POLA1: variants seen among roughly 807,000 people sequenced by gnomAD.
POLA1 encodes DNA polymerase alpha catalytic subunit.
POLA1 carries 15 observed loss-of-function variants against 124.0 expected under a neutral mutation model. The ratio of observed to expected loss-of-function variants is 0.12; its 90% CI spans 0.08 to 0.19. POLA1 has a LOEUF of 0.19. POLA1 is among the 10% of genes least tolerant of loss of function. The pLI is 1.00. For synonymous variants in POLA1, 408 were observed against 389.4 expected, an observed-to-expected ratio of 1.05 and a Z score of -0.56; for missense variants, 886 against 1,103.4, an observed-to-expected ratio of 0.80 and a Z score of 2.79.
chrX:24,753,497 C>G (rs1263231383), intron 26 of POLA1, among the ~76,000 whole-genome samples: 1 of 110,424 alleles, frequency 9.1e-6, no homozygotes, highest in Admixed American at 9.7e-5. Flanking sequence ...GGACTACAGG[C>G]ATATGCCACC....
At chrX:24,968,702 C>CAAA (rs1230409270) in intron 36 of POLA1, among the ~76,000 whole-genome samples, 3 of 33,948 alleles carry the variant, frequency 8.8e-5, no homozygotes, top group South Asian at 1.6e-3. Flanking sequence ...GACTCCATCT[C>CAAA]AAAAAAAAAA....
chrX:24,906,165 C>T (rs1256453101), intron 35 of POLA1, among the ~76,000 whole-genome samples: 1 of 111,981 alleles, frequency 8.9e-6, no homozygotes, highest in African/African-American at 3.2e-5. Flanking sequence ...GGTATCTACC[C>T]AGAGGAAAAG....
chrX:24,949,816 C>T (rs2048012216), intron 36 of POLA1, among the ~76,000 whole-genome samples: 1 of 107,156 alleles, frequency 9.3e-6, no homozygotes, highest in Non-Finnish European at 1.9e-5. Flanking sequence ...CTCACTGCAA[C>T]CTCCACCTCC....
intron 36 of POLA1, among the ~76,000 whole-genome samples, chrX:24,989,480 C>T (rs1339697346): frequency 2.8e-5 from 3 of 108,649 alleles, no homozygotes; most frequent in African/African-American, 1.0e-4. Context: ...GGCTGGAGTG[C>T]GGTGGCACAA....
At chrX:24,762,078 C>T (rs1249046453) in intron 26 of POLA1, among the ~76,000 whole-genome samples, 2 of 112,118 alleles carry the variant, frequency 1.8e-5, no homozygotes, top group Admixed American at 9.4e-5. Flanking sequence ...TCCATTCTGC[C>T]TTTGGTTTTT....
At chrX:24,836,958 C>T (rs1786378583) in intron 32 of POLA1, among the ~76,000 whole-genome samples, 1 of 111,328 alleles carries the variant, frequency 9.0e-6, no homozygotes, top group Non-Finnish European at 1.9e-5. Context: ...AAATTTTGTG[C>T]CTGAAACAAA....
chrX:24,922,866 T>TA (rs1240933157), intron 35 of POLA1, among the ~76,000 whole-genome samples: 1 of 112,371 alleles, frequency 8.9e-6, no homozygotes, highest in East Asian at 2.8e-4. Context: ...GGGTATGACT[T>TA]ACAAACCTTG....
intron 18 of POLA1, among the ~76,000 whole-genome samples, chrX:24,736,101 T>G (rs753581152): frequency 8.9e-6 from 1 of 111,777 alleles, no homozygotes; most frequent in Non-Finnish European, 1.9e-5. Flanking sequence ...GTCTTTTTTC[T>G]AGGTTAATGG....
chrX:24,908,870 A>G (rs1390702773), intron 35 of POLA1, among the ~76,000 whole-genome samples: 1 of 111,393 alleles, frequency 9.0e-6, no homozygotes, highest in Admixed American at 9.5e-5. Context: ...AAGTGTTCCT[A>G]TTTCTCCACA....
chrX:24,787,695 G>T (rs2045393163), intron 26 of POLA1, among the ~76,000 whole-genome samples: 1 of 111,819 alleles, frequency 8.9e-6, no homozygotes, highest in Non-Finnish European at 1.9e-5. Context: ...GCTATTTGGG[G>T]TCTTTTGTTG....
intron 36 of POLA1, among the ~76,000 whole-genome samples, chrX:24,950,052 C>T (rs1373669215): frequency 1.8e-5 from 2 of 112,244 alleles, no homozygotes; most frequent in Non-Finnish European, 3.8e-5. Flanking sequence ...TTTCAAAGCA[C>T]TTTCACGTGT....
chrX:24,883,401 A>G (rs1482893095), intron 34 of POLA1, among the ~76,000 whole-genome samples: 2 of 112,366 alleles, frequency 1.8e-5, no homozygotes, highest in African/African-American at 3.2e-5. Flanking sequence ...CCTTCTACAA[A>G]TACAAATGTA....
intron 15 of POLA1, among the ~76,000 whole-genome samples, chrX:24,728,678 C>T (rs1170022481): frequency 1.8e-5 from 2 of 111,867 alleles, no homozygotes; most frequent in Non-Finnish European, 3.8e-5. Context: ...TGTCATTGGA[C>T]TTTTCCTCTA....
At chrX:24,811,642 GTTT>G (rs10582961) in intron 28 of POLA1, among the ~76,000 whole-genome samples, 31 of 94,942 alleles carry the variant, frequency 3.3e-4, no homozygotes, top group Middle Eastern at 5.5e-3. Flanking sequence ...AAATTCAAAG[GTTT>G]TTTTTTTTTT....
intron 35 of POLA1, among the ~76,000 whole-genome samples, chrX:24,908,814 A>T (rs1374919917): frequency 2.7e-5 from 3 of 111,508 alleles, no homozygotes; most frequent in African/African-American, 9.8e-5. Context: ...CGCCACACTG[A>T]CTTCCACAAT....
intron 26 of POLA1, among the ~76,000 whole-genome samples, chrX:24,787,189 T>G (rs1185538590): frequency 8.9e-6 from 1 of 112,077 alleles, no homozygotes; most frequent in African/African-American, 3.2e-5. Context: ...TCTTTTTGTT[T>G]TGTTAATTGC....
At chrX:24,952,701 T>A (rs369348623) in intron 36 of POLA1, among the ~76,000 whole-genome samples, 88 of 112,461 alleles carry the variant, frequency 7.8e-4, no homozygotes, top group African/African-American at 2.7e-3. Flanking sequence ...ATAAATGCAG[T>A]TTTTTAGTAG....
intron 34 of POLA1, 75 bp downstream of exon 34, chrX:24,843,752 C>T (rs1184804619): frequency 1.3e-6 from 1 of 752,383 alleles, no homozygotes; most frequent in African/African-American, 2.2e-5. Context: ...TTTCATGAAA[C>T]TAAAATTTTG....
intron 34 of POLA1, among the ~76,000 whole-genome samples, chrX:24,844,036 T>C (rs2046443210): frequency 9.0e-6 from 1 of 111,708 alleles, no homozygotes; most frequent in Non-Finnish European, 1.9e-5. Context: ...AAAATCACTA[T>C]TGGCTATTGT....
Sources: allele counts gnomAD v4.1 joint callset (sites outside exome capture counted in the v4.1 genomes callset), GRCh38; gene constraint gnomAD v4.1.1; transcripts MANE v1.5; gene names NCBI Gene and HGNC (gene_info 2026-07-23, HGNC 2026-07-21).